Variants in ZDHHC18 observed in about 807,000 individuals in gnomAD.
The protein encoded by ZDHHC18 is palmitoyltransferase ZDHHC18.
In ZDHHC18, 23 loss-of-function variants were observed where a neutral mutation model predicts 37.5. The observed-to-expected ratio is 0.61, with a 90% confidence interval of 0.44 to 0.87. ZDHHC18 has a LOEUF of 0.87. Ranked by LOEUF, ZDHHC18 falls within the 40% of genes least tolerant of loss-of-function variation. The pLI is 0.00. For synonymous variants in ZDHHC18, 185 were observed against 218.7 expected, an observed-to-expected ratio of 0.85 and a Z score of 1.36; for missense variants, 406 against 525.6, an observed-to-expected ratio of 0.77 and a Z score of 2.22.
In ZDHHC18 at chr1:26,853,790, G is replaced by A. The variant is rs1264434432; in HGVS notation, c.1114G>A (p.Glu372Lys). ...GTTGCCCTCACCCATCAGAAGCGAT[G>A]AGCCAGCCTGCAGAGCCAAGCCTGA... Reference protein sequence around the residue: ...TVLPSPIRSDEPACRAKPDAS... With the variant: ...TVLPSPIRSDKPACRAKPDAS... Residue 372 changes from glutamate (E) to lysine (K), a missense_variant, in exon 8 of 8, where the codon GAG becomes AAG. By Grantham distance (56) the Glu-to-Lys change is moderately conservative. Coordinates refer to ENST00000374142, the MANE Select transcript of ZDHHC18 (RefSeq NM_032283.3). The A allele has an allele frequency of 4.3e-6, 7 of 1,613,964 alleles. No homozygotes were observed. The highest frequency in any genetic ancestry group is 2.2e-5 in the East Asian group (1 of 44,898).
At chr1:26,840,333 G>A (rs2081631548) in intron 2 of ZDHHC18, among the ~76,000 whole-genome samples, 1 of 152,184 alleles carries the variant, frequency 6.6e-6, no homozygotes, top group Admixed American at 6.6e-5. Flanking sequence ...CATAATAATG[G>A]CTGATATTTG....
chr1:26,833,846 G>A (rs775859705), intron 2 of ZDHHC18, among the ~76,000 whole-genome samples: 11 of 152,046 alleles, frequency 7.2e-5, no homozygotes, highest in South Asian at 4.2e-4. Context: ...TGCATCCATC[G>A]CTAGAAATCA....
intron 2 of ZDHHC18, among the ~76,000 whole-genome samples, chr1:26,835,270 G>A (rs145434389): frequency 1.6e-4 from 24 of 152,366 alleles, no homozygotes; most frequent in African/African-American, 5.3e-4. Context: ...CTTGTAGGGC[G>A]CTGAATGTCC....
intron 2 of ZDHHC18, among the ~76,000 whole-genome samples, chr1:26,847,394 A>G (rs996225025): frequency 2.6e-5 from 4 of 151,672 alleles, no homozygotes; most frequent in African/African-American, 4.8e-5. Flanking sequence ...GTCATTTTTT[A>G]TAGAGATAGG....
chr1:26,843,131 T>C (rs2081646631), intron 2 of ZDHHC18, among the ~76,000 whole-genome samples: 1 of 151,914 alleles, frequency 6.6e-6, no homozygotes, highest in African/African-American at 2.4e-5. Flanking sequence ...CCTTTTTTCT[T>C]TCTTTCTTTT....
chr1:26,826,855 C>A lies in ZDHHC18; in HGVS notation c.51C>A (p.Pro17=). The change falls in exon 1 of 8, where the codon CCC becomes CCA. Residue 17 remains proline, a synonymous_variant. Coordinates refer to ENST00000374142, the MANE Select transcript of ZDHHC18 (RefSeq NM_032283.3). This position sits in a 1 kb window ranked among gnomAD's most constrained non-coding sequence, Gnocchi z 5.2. ...TCAGCCCCGGGGCCGCCCCGCTGCC[C>A]GCCTCCCCGGGGGCGCGCCGTCCCG... The part of the protein sequence containing the change: ...QQISPGAAPL[P]ASPGARRPGP... The A allele has an allele frequency of 1.0e-6, 1 of 980,182 alleles. No individual in the cohort carries two copies. The highest frequency in any genetic ancestry group is 4.5e-5 in the South Asian group (1 of 22,100). 60.7% of individuals were successfully genotyped at this position (980,182 alleles called of 1,614,324 possible).
At chr1:26,834,295 C>G (rs534062517) in intron 2 of ZDHHC18, among the ~76,000 whole-genome samples, 1 of 152,296 alleles carries the variant, frequency 6.6e-6, no homozygotes. Context: ...ATCTATTATC[C>G]CCACAAATCT....
chr1:26,832,450 TC>T lies in ZDHHC18; in HGVS notation c.342del (p.Tyr115ThrfsTer6). 1.2e-6 allele frequency: 2 copies of T among 1,614,098 alleles called. No individual in the cohort carries two copies. The highest frequency in any genetic ancestry group is 8.5e-7 in the Non-Finnish European group (1 of 1,180,002). ...CTCTCTCCATCTCTCGTTCTAGCTG[TC>T]CCTACCTGGCTCGCAAGCTGACCCT... Reference protein sequence around the residue: ...TTGLFFVFDCPYLARKLTLAI... With the variant: ...TTGLFFVFDCXYLARKLTLAI... On this transcript the variant is annotated frameshift_variant, in exon 2 of 8. Transcript: ENST00000374142. LOFTEE classifies it high-confidence loss of function.
At position 26,853,886 on chromosome 1, in the gene ZDHHC18, C is replaced by T. The variant is rs142975466; in HGVS notation, c.*43C>T. ...CCACCTGCTGGCCTGTCTGACCCTC[C>T]GCACTCACCTGCCGGGACCCTCCCT... On this transcript the variant is annotated 3_prime_UTR_variant, in exon 8 of 8. Coordinates refer to ENST00000374142, the MANE Select transcript of ZDHHC18 (RefSeq NM_032283.3). The T allele has an allele frequency of 2.5e-5, 39 of 1,553,748 alleles. No homozygotes were observed. The highest frequency in any genetic ancestry group is 8.1e-5 in the African/African-American group (6 of 73,822).
At chr1:26,832,780 G>A (rs1196865177) in intron 2 of ZDHHC18, among the ~76,000 whole-genome samples, 173 bp downstream of exon 2, 1 of 152,246 alleles carries the variant, frequency 6.6e-6, no homozygotes, top group Non-Finnish European at 1.5e-5. Flanking sequence ...CAACAAGTGA[G>A]CAAATAAGTA....
At chr1:26,851,326 T>A in intron 6 of ZDHHC18, 95 bp downstream of exon 6, 1 of 1,189,594 alleles carries the variant, frequency 8.4e-7, no homozygotes, top group Non-Finnish European at 1.3e-6. Flanking sequence ...CAGTCCTGAC[T>A]CACGGACTGC....
intron 2 of ZDHHC18, among the ~76,000 whole-genome samples, chr1:26,846,086 T>C (rs2081662263): frequency 6.6e-6 from 1 of 151,582 alleles, no homozygotes; most frequent in South Asian, 2.1e-4. Flanking sequence ...CTGCCTTTTT[T>C]TCTCTTAAAT....
Position 26,839,173 on chromosome 1 carries a change from C to T in ZDHHC18, c.496+6566C>T, listed in dbSNP as rs2081626742. Among the ~76,000 whole-genome samples the T allele has an allele frequency of 2.6e-5, 4 of 152,338 alleles. No individual in the cohort carries two copies. In the South Asian group the frequency reaches 8.3e-4, roughly 32 times the overall value. ...CTCACAGCCATTCAGTGACGAGTAG[C>T]CTTGCTTTTCGTCTCATTTTCACAT... On this transcript the variant is annotated intron_variant, in intron 2 of 7. Transcript: ENST00000374142.
chr1:26,852,703 A>G (rs891014403), intron 6 of ZDHHC18, 50 bp from the exon 7 acceptor site: 4 of 1,549,044 alleles, frequency 2.6e-6, no homozygotes, highest in East Asian at 2.2e-5. Flanking sequence ...GCCTCCTAGA[A>G]AAGTGAAGCA....
intron 2 of ZDHHC18, among the ~76,000 whole-genome samples, chr1:26,844,913 GT>G (rs969579363): frequency 3.0e-4 from 42 of 139,988 alleles, no homozygotes; most frequent in East Asian, 4.1e-4. Flanking sequence ...TCTTTACATG[GT>G]TTTTTTTTTT....
rs144835502 is a variant in ZDHHC18, at chr1:26,854,984, C to A, written c.*1141C>A. On this transcript the variant is annotated 3_prime_UTR_variant, in exon 8 of 8. Coordinates refer to ENST00000374142, the MANE Select transcript of ZDHHC18 (RefSeq NM_032283.3). This position sits in a 1 kb window ranked among gnomAD's most constrained non-coding sequence, Gnocchi z 4.6. ...GGACAGGGGGCACGTGCACTGGTCACGAGAAAACCCTGGGCTCCCACTGGG... is the reference window on the plus strand; with the variant it reads ...GGACAGGGGGCACGTGCACTGGTCAAGAGAAAACCCTGGGCTCCCACTGGG... 2 of 152,414 alleles carry A rather than the reference C, an allele frequency of 1.3e-5. No homozygotes were observed. The highest frequency in any genetic ancestry group is 3.9e-4 in the East Asian group (2 of 5,188). The allele number at this position is 152,414 out of a possible 1,614,324, so 9.4% of individuals were successfully genotyped here.
At chr1:26,841,009 T>C (rs1218322670) in intron 2 of ZDHHC18, among the ~76,000 whole-genome samples, 1 of 150,388 alleles carries the variant, frequency 6.6e-6, no homozygotes, top group Non-Finnish European at 1.5e-5. Flanking sequence ...AGAGTTTTGC[T>C]CTTGGCACCC....
chr1:26,844,669 A>G (rs2081654804), intron 2 of ZDHHC18, among the ~76,000 whole-genome samples: 3 of 152,098 alleles, frequency 2.0e-5, no homozygotes, highest in African/African-American at 7.2e-5. Flanking sequence ...TAGTTGCTCT[A>G]CTTTTTTACC....
At chr1:26,853,088 A>G in intron 7 of ZDHHC18, 1 of 483,734 alleles carries the variant, frequency 2.1e-6, no homozygotes, top group Non-Finnish European at 3.7e-6. Context: ...ACAGAGGAGC[A>G]TTGGATATGA....
Sources: allele counts gnomAD v4.1 joint callset (sites outside exome capture counted in the v4.1 genomes callset), GRCh38; gene constraint gnomAD v4.1.1; non-coding constraint Gnocchi (gnomAD v3.1); transcripts MANE v1.5; gene names NCBI Gene and HGNC (gene_info 2026-07-23, HGNC 2026-07-21).